IPO8: variants seen among roughly 807,000 people sequenced by gnomAD.
The protein encoded by IPO8 is importin-8.
In IPO8, 65 loss-of-function variants were observed where a neutral mutation model predicts 141.2. The observed-to-expected ratio is 0.46, with a 90% CI of 0.38 to 0.57. The LOEUF is 0.57. Among genes scored for constraint, IPO8 ranks in the 20% least tolerant of loss-of-function variants. IPO8 has a pLI of 0.00. For missense variants in IPO8, 980 were observed against 1,246.8 expected (o/e 0.79, Z 3.22); for synonymous variants, 411 against 420.3 (o/e 0.98, Z 0.27).
intron 19 of IPO8, among the ~76,000 whole-genome samples, chr12:30,651,991 T>C (rs115295740): frequency 0.029 from 4,367 of 152,118 alleles, 196 homozygotes; most frequent in African/African-American, 0.099. Context: ...GATATAGAAG[T>C]GGCAAACATT....
chr12:30,668,059 A>AAGAG (rs57185367), intron 10 of IPO8, among the ~76,000 whole-genome samples: 2 of 149,516 alleles, frequency 1.3e-5, no homozygotes, highest in South Asian at 2.1e-4. Flanking sequence ...GAACAAAAAA[A>AAGAG]AGAGAGAGAG....
At position 30,676,570 on chromosome 12, in the gene IPO8, C is replaced by G; in HGVS notation, c.657G>C (p.Gln219His). ...TTGTCATGGTTTGGTTATTCACTAGCTGAAGAGGCAATGCATACTGGAAAA... is the reference window on the plus strand; with the variant it reads ...TTGTCATGGTTTGGTTATTCACTAGGTGAAGAGGCAATGCATACTGGAAAA... ...YALVQYALPL[Q>H]LVNNQTMTTW... is the part of the protein sequence containing the mutation. The change falls in exon 6 of 25, where the codon CAG (glutamine) becomes CAC (histidine). Residue 219 changes from glutamine to histidine, a missense_variant. Physicochemically the swap from Gln to His is conservative, Grantham distance 24. Around this residue, in one of 3 missense-constraint regions of IPO8, gnomAD observed 924 missense variants for 1,153.9 expected, o/e 0.80. Transcript: ENST00000256079. 1 of 1,611,566 alleles carries G rather than the reference C, an allele frequency of 6.2e-7. No homozygotes were observed. The highest frequency in any genetic ancestry group is 1.1e-5 in the South Asian group (1 of 91,042).
At chr12:30,647,830 G>A (rs1008682040) in intron 20 of IPO8, among the ~76,000 whole-genome samples, 8 of 151,956 alleles carry the variant, frequency 5.3e-5, no homozygotes, top group Non-Finnish European at 7.4e-5. Context: ...CAAATGATCC[G>A]ATTAGACATT....
At chr12:30,673,455 A>G (rs573897503) in intron 8 of IPO8, among the ~76,000 whole-genome samples, 1 of 152,292 alleles carries the variant, frequency 6.6e-6, no homozygotes, top group South Asian at 2.1e-4. Context: ...TAGCTTTTAA[A>G]ATTTTTAAAC....
intron 15 of IPO8, 68 bp from the exon 16 acceptor site, chr12:30,661,334 G>C: frequency 7.1e-7 from 1 of 1,406,646 alleles, no homozygotes; most frequent in Admixed American, 2.5e-5. Flanking sequence ...ACAAAAGTTA[G>C]CAAAATGGCA....
chr12:30,660,181 C>T (rs976843802), intron 16 of IPO8, among the ~76,000 whole-genome samples: 1 of 152,156 alleles, frequency 6.6e-6, no homozygotes, highest in South Asian at 2.1e-4. Flanking sequence ...CAAGATCATG[C>T]CACTGCACGC....
chr12:30,656,414 C>T (rs1434396451), intron 17 of IPO8, among the ~76,000 whole-genome samples: 1 of 152,158 alleles, frequency 6.6e-6, no homozygotes, highest in Non-Finnish European at 1.5e-5. Context: ...ACCTAAACCT[C>T]ATCCCAGTTC....
At chr12:30,636,144 G>A (rs1453324976) in intron 22 of IPO8, among the ~76,000 whole-genome samples, 1 of 152,034 alleles carries the variant, frequency 6.6e-6, no homozygotes, top group African/African-American at 2.4e-5. Context: ...GGAGAAAAAG[G>A]GTAGTTTATA....
At chr12:30,634,556 C>G (rs1392360424) in intron 22 of IPO8, among the ~76,000 whole-genome samples, 1 of 152,066 alleles carries the variant, frequency 6.6e-6, no homozygotes, top group African/African-American at 2.4e-5. Flanking sequence ...TTCCCTAAAC[C>G]TGTTATCCAG....
intron 10 of IPO8, among the ~76,000 whole-genome samples, chr12:30,666,489 C>T (rs1565503263): frequency 6.6e-6 from 1 of 152,064 alleles, no homozygotes; most frequent in East Asian, 1.9e-4. Flanking sequence ...TTGAAGAAAA[C>T]AATGCATTTA....
At chr12:30,661,011 G>A (rs2052878860) in intron 16 of IPO8, 130 bp downstream of exon 16, 3 of 456,798 alleles carry the variant, frequency 6.6e-6, no homozygotes, top group Non-Finnish European at 1.1e-5. Context: ...AAATGTGAGG[G>A]CAATTTTTAA....
At chr12:30,684,489 T>C (rs1421269647) in intron 2 of IPO8, 32 bp from the exon 3 acceptor site, 1 of 1,607,138 alleles carries the variant, frequency 6.2e-7, no homozygotes, top group Non-Finnish European at 8.5e-7. Context: ...AATGTAGCAG[T>C]ACCAAAAAGG....
chr12:30,682,397 T>C (rs2053198477), intron 3 of IPO8, among the ~76,000 whole-genome samples: 1 of 152,144 alleles, frequency 6.6e-6, no homozygotes, highest in Non-Finnish European at 1.5e-5. Context: ...CATGTATTAT[T>C]AGCGAGGCAA....
In IPO8 at chr12:30,636,769, T is replaced by C. The variant is rs1024418860; in HGVS notation, c.2695+213A>G. Among the ~76,000 whole-genome samples the C allele has an allele frequency of 9.2e-5, 14 of 152,164 alleles. 1 individual carries two copies. The East Asian group carries it at 2.7e-3, about 29-fold the overall frequency. ...TATTAGGCTCCATAAAAAAAACCGC[T>C]GAGTATATTAGGTGTCAGAAGGTGC... On this transcript the variant is annotated intron_variant, in intron 22 of 24. Coordinates refer to ENST00000256079, the MANE Select transcript of IPO8 (RefSeq NM_006390.4).
rs1216152629 is a variant in IPO8 at position 30,681,756 on chromosome 12, C to G, written c.385G>C (p.Gly129Arg). The G allele has an allele frequency of 6.2e-7, 1 of 1,613,724 alleles. No individual in the cohort carries two copies. Among genetic ancestry groups the G allele is most frequent in the African/African-American group, 1.3e-5 (1 of 74,924 alleles). ...IKHDFPGHWP[G>R]VVDKIDYYLQ... ...TAATAGTCTATCTTGTCGACCACTC[C>G]TGGCCAGTGACCAGGAAAATCATGT... The change falls in exon 4 of 25, where the codon GGA becomes CGA. Residue 129 changes from glycine (G) to arginine (R), a missense_variant. By Grantham distance (125) the Gly-to-Arg change is moderately radical. Coordinates refer to ENST00000256079, the MANE Select transcript of IPO8 (RefSeq NM_006390.4).
chr12:30,668,582 A>G (rs753859894), intron 10 of IPO8, among the ~76,000 whole-genome samples: 2 of 152,246 alleles, frequency 1.3e-5, no homozygotes, highest in Non-Finnish European at 2.9e-5. Flanking sequence ...ATAGGTATGC[A>G]AATTAATATT....
intron 4 of IPO8, among the ~76,000 whole-genome samples, chr12:30,681,228 A>T (rs2053185754): frequency 6.6e-6 from 1 of 152,196 alleles, no homozygotes; most frequent in Non-Finnish European, 1.5e-5. Context: ...GTGTGATATT[A>T]GTCCTCTACC....
intron 5 of IPO8, among the ~76,000 whole-genome samples, chr12:30,679,037 C>T (rs1322709864): frequency 3.3e-5 from 5 of 152,286 alleles, no homozygotes; most frequent in Admixed American, 6.5e-5. Flanking sequence ...TGGGGTTTCA[C>T]CATGTTGGCC....
chr12:30,690,431 A>G (rs916493600), intron 2 of IPO8, 65 bp downstream of exon 2: 1 of 931,044 alleles, frequency 1.1e-6, no homozygotes, highest in African/African-American at 1.7e-5. Flanking sequence ...ATGTAAAATT[A>G]AAATAAAACT....
Sources: gnomAD v4.1 joint callset for allele counts (sites outside exome capture counted in the v4.1 genomes callset) on GRCh38, gnomAD v4.1.1 for gene constraint, gnomAD v4.1.1 regional missense constraint, MANE v1.5 for transcripts, NCBI Gene and HGNC (gene_info 2026-07-23, HGNC 2026-07-21) for gene names.